CNTNAP2: variants seen among roughly 807,000 people sequenced by gnomAD.
CNTNAP2 encodes the protein contactin-associated protein-like 2.
In CNTNAP2, 98 loss-of-function variants were observed where a neutral mutation model predicts 155.2. The ratio of observed to expected loss-of-function variants is 0.63; its 90% CI spans 0.54 to 0.75. The LOEUF (loss-of-function observed/expected upper bound fraction) is 0.75. Ranked by LOEUF, CNTNAP2 falls within the 30% of genes least tolerant of loss-of-function variation. The pLI, the probability that CNTNAP2 is intolerant of heterozygous loss-of-function variation, is 0.00. For synonymous variants in CNTNAP2, 651 were observed against 631.2 expected (o/e 1.03, Z -0.47); for missense variants, 1,727 against 1,688.1 (o/e 1.02, Z -0.40).
At chr7:147,771,486 G>T (rs1797468427) in intron 13 of CNTNAP2, among the ~76,000 whole-genome samples, 2 of 152,204 alleles carry the variant, frequency 1.3e-5, no homozygotes, top group Non-Finnish European at 2.9e-5. Context: ...ACATTTCTAA[G>T]GCAGGGAGGC....
chr7:148,277,793 A>T (rs937341037), intron 21 of CNTNAP2, among the ~76,000 whole-genome samples: 15 of 141,408 alleles, frequency 1.1e-4, no homozygotes, highest in Admixed American at 3.5e-4. Flanking sequence ...GAAAGAAAAA[A>T]GAAAAAAAGA....
chr7:146,302,576 G>C (rs897210498), intron 1 of CNTNAP2, among the ~76,000 whole-genome samples: 1 of 152,118 alleles, frequency 6.6e-6, no homozygotes, highest in Non-Finnish European at 1.5e-5. Context: ...TAAGTAATTT[G>C]CACAATATTG....
intron 1 of CNTNAP2, among the ~76,000 whole-genome samples, chr7:146,297,011 T>C (rs1800525364): frequency 6.6e-6 from 1 of 151,822 alleles, no homozygotes; most frequent in African/African-American, 2.4e-5. Flanking sequence ...GTTCTAATAT[T>C]AATAGAAACA....
chr7:147,825,554 A>G (rs1249554999), intron 13 of CNTNAP2, among the ~76,000 whole-genome samples: 3 of 152,228 alleles, frequency 2.0e-5, no homozygotes, highest in Non-Finnish European at 2.9e-5. Flanking sequence ...ATGTATGATA[A>G]TAGTATTCTC....
chr7:148,187,105 AACATAC>A (rs1384069442), intron 18 of CNTNAP2, among the ~76,000 whole-genome samples: 52 of 122,682 alleles, frequency 4.2e-4, no homozygotes, highest in African/African-American at 1.5e-3. Context: ...TGAGCAAGGA[AACATAC>A]ACACACACAC....
intron 22 of CNTNAP2, among the ~76,000 whole-genome samples, chr7:148,406,246 G>GAGAGAAAT (rs1554431157): frequency 6.6e-6 from 1 of 151,536 alleles, no homozygotes; most frequent in Non-Finnish European, 1.5e-5. Context: ...AATAAAGAAA[G>GAGAGAAAT]AAAGAAGGTC....
At chr7:146,422,135 T>C (rs575418895) in intron 1 of CNTNAP2, among the ~76,000 whole-genome samples, 17 of 151,602 alleles carry the variant, frequency 1.1e-4, no homozygotes, top group African/African-American at 4.1e-4. Flanking sequence ...CAAATGTTTT[T>C]TTTTACATGC....
chr7:147,041,168 C>A (rs1799252684), intron 3 of CNTNAP2, among the ~76,000 whole-genome samples: 1 of 152,154 alleles, frequency 6.6e-6, no homozygotes, highest in African/African-American at 2.4e-5. Context: ...TGTCTCTAAT[C>A]AGACAGAACC....
chr7:147,726,374 T>G (rs1270196946), intron 13 of CNTNAP2, among the ~76,000 whole-genome samples: 15 of 151,932 alleles, frequency 9.9e-5, no homozygotes, highest in Admixed American at 6.6e-4. Context: ...ACTTGCTACT[T>G]AAAAGCCAGA....
intron 2 of CNTNAP2, among the ~76,000 whole-genome samples, chr7:146,783,809 A>G (rs568867195): frequency 4.2e-4 from 64 of 152,304 alleles, no homozygotes; most frequent in African/African-American, 1.4e-3. Context: ...GACTGGACAG[A>G]TCTTGTGCTC....
intron 3 of CNTNAP2, among the ~76,000 whole-genome samples, chr7:146,869,524 G>A (rs898839448): frequency 9.9e-5 from 15 of 152,140 alleles, no homozygotes; most frequent in African/African-American, 2.7e-4. Flanking sequence ...ACAAGGTGAA[G>A]TCCCATGATA....
chr7:146,135,309 A>G (rs1350397155), intron 1 of CNTNAP2, among the ~76,000 whole-genome samples: 2 of 152,080 alleles, frequency 1.3e-5, no homozygotes, highest in African/African-American at 4.8e-5. Flanking sequence ...GATTAGACGA[A>G]AAAAATTCAG....
At chr7:147,714,776 G>C (rs1481247456) in intron 13 of CNTNAP2, among the ~76,000 whole-genome samples, 14 of 151,566 alleles carry the variant, frequency 9.2e-5, no homozygotes, top group Admixed American at 2.6e-4. Context: ...CACTAATCAA[G>C]ATATTTAACT....
At chr7:146,882,894 A>G (rs1405920209) in intron 3 of CNTNAP2, among the ~76,000 whole-genome samples, 3 of 152,226 alleles carry the variant, frequency 2.0e-5, no homozygotes, top group Non-Finnish European at 4.4e-5. Flanking sequence ...AAGGAGAACC[A>G]TAAAACACTG....
At chr7:146,401,906 G>A (rs1230237795) in intron 1 of CNTNAP2, among the ~76,000 whole-genome samples, 2 of 152,114 alleles carry the variant, frequency 1.3e-5, no homozygotes, top group Non-Finnish European at 2.9e-5. Flanking sequence ...TTCATATCCT[G>A]ATTGGTCACA....
chr7:146,380,759 AT>A (rs1189684229), intron 1 of CNTNAP2, among the ~76,000 whole-genome samples: 6 of 148,760 alleles, frequency 4.0e-5, no homozygotes, highest in Non-Finnish European at 8.9e-5. Flanking sequence ...AAGAAAAAAA[AT>A]ATTTCTTGCT....
intron 8 of CNTNAP2, among the ~76,000 whole-genome samples, chr7:147,241,592 C>T (rs1428665927): frequency 6.8e-6 from 1 of 147,548 alleles, no homozygotes; most frequent in African/African-American, 2.5e-5. Flanking sequence ...CGTGCCATTG[C>T]ACTCCAGCCT....
At chr7:147,718,698 G>C (rs1392850689) in intron 13 of CNTNAP2, among the ~76,000 whole-genome samples, 2 of 152,026 alleles carry the variant, frequency 1.3e-5, no homozygotes, top group Non-Finnish European at 2.9e-5. Flanking sequence ...AATGATGAGG[G>C]TTGCTCACTG....
chr7:147,015,194 G>T (rs1798697582), intron 3 of CNTNAP2, among the ~76,000 whole-genome samples: 1 of 151,444 alleles, frequency 6.6e-6, no homozygotes, highest in Non-Finnish European at 1.5e-5. Context: ...TCAAGGCATA[G>T]ATTGGATTTA....
Sources: gnomAD v4.1 joint callset for allele counts (sites outside exome capture counted in the v4.1 genomes callset) on GRCh38, gnomAD v4.1.1 for gene constraint, MANE v1.5 for transcripts, NCBI Gene and HGNC (gene_info 2026-07-23, HGNC 2026-07-21) for gene names.